The following DLGAP2 variants were observed in gnomAD, a reference collection of about 807,000 sequenced individuals.
The protein encoded by DLGAP2 is disks large-associated protein 2.
DLGAP2 carries 26 observed loss-of-function variants against 100.3 expected under a neutral mutation model. The observed-to-expected ratio is 0.26, with a 90% CI of 0.19 to 0.36. The LOEUF (loss-of-function observed/expected upper bound fraction) is 0.36, where lower values mean the gene tolerates loss of function less well. Among genes scored for constraint, DLGAP2 ranks in the 10% least tolerant of loss-of-function variants. DLGAP2 has a pLI of 1.00. For missense variants in DLGAP2, 1,858 were observed against 1,453.2 expected (o/e 1.28, Z -4.53); for synonymous variants, 886 against 630.1 (o/e 1.41, Z -6.08).
At chr8:1,255,831 CTG>C (rs751171610) in intron 2 of DLGAP2, among the ~76,000 whole-genome samples, 1 of 123,188 alleles carries the variant, frequency 8.1e-6, no homozygotes, top group South Asian at 3.0e-4. Context: ...TGCCCAGGTG[CTG>C]TGTGTGTGTC....
intron 3 of DLGAP2, among the ~76,000 whole-genome samples, chr8:1,346,882 G>C (rs1296421464): frequency 6.6e-6 from 1 of 151,618 alleles, no homozygotes; most frequent in Non-Finnish European, 1.5e-5. Context: ...ATACAGAGCT[G>C]CGTTGCACTC....
At chr8:1,024,256 C>T (rs1404323646) in intron 2 of DLGAP2, among the ~76,000 whole-genome samples, 1 of 135,792 alleles carries the variant, frequency 7.4e-6, no homozygotes, top group Non-Finnish European at 1.6e-5. Flanking sequence ...CGTGCCGAGG[C>T]AGACACCCCA....
chr8:748,307 G>A (rs910341011), intron 1 of DLGAP2, among the ~76,000 whole-genome samples: 2 of 150,866 alleles, frequency 1.3e-5, no homozygotes, highest in African/African-American at 4.9e-5. Context: ...GCTCCGTGGG[G>A]GACTCCGTGG....
chr8:1,518,386 G>C (rs1260743806), intron 4 of DLGAP2, among the ~76,000 whole-genome samples: 2 of 152,168 alleles, frequency 1.3e-5, no homozygotes, highest in African/African-American at 4.8e-5. Context: ...ACCGAGTGGA[G>C]GTTTAAGATG....
intron 2 of DLGAP2, among the ~76,000 whole-genome samples, chr8:979,301 G>A (rs1040759768): frequency 1.8e-4 from 28 of 152,154 alleles, no homozygotes; most frequent in Admixed American, 4.6e-4. Flanking sequence ...CGAAGGAGTG[G>A]GAAAATAGAT....
chr8:1,245,504 T>C (rs1394505648), intron 2 of DLGAP2, among the ~76,000 whole-genome samples: 1 of 152,138 alleles, frequency 6.6e-6, no homozygotes, highest in Non-Finnish European at 1.5e-5. Flanking sequence ...AAACCACAGA[T>C]AGGATTCCAT....
At chr8:1,617,147 G>C (rs1353734772) in intron 6 of DLGAP2, among the ~76,000 whole-genome samples, 2 of 152,212 alleles carry the variant, frequency 1.3e-5, no homozygotes, top group Non-Finnish European at 1.5e-5. Context: ...TGGGCATTTA[G>C]GTTGATTCCA....
intron 1 of DLGAP2, among the ~76,000 whole-genome samples, chr8:746,859 C>T (rs530151342): frequency 9.8e-5 from 15 of 152,314 alleles, no homozygotes; most frequent in South Asian, 2.1e-4. Flanking sequence ...CTGCTGGCTG[C>T]GGACGCTGGT....
At chr8:1,488,071 C>G (rs1276304081) in intron 3 of DLGAP2, among the ~76,000 whole-genome samples, 2 of 152,158 alleles carry the variant, frequency 1.3e-5, no homozygotes, top group Admixed American at 6.5e-5. Flanking sequence ...AGTTCCTCAG[C>G]AGTTTCAAGC....
chr8:759,268 CCACA>C (rs1563415773), intron 1 of DLGAP2, among the ~76,000 whole-genome samples: 19 of 147,784 alleles, frequency 1.3e-4, no homozygotes, highest in Non-Finnish European at 2.1e-4. Context: ...TCAATACCCC[CCACA>C]GCCTCCCCAT....
intron 2 of DLGAP2, among the ~76,000 whole-genome samples, chr8:917,021 A>G (rs1798607923): frequency 6.6e-6 from 1 of 152,206 alleles, no homozygotes; most frequent in African/African-American, 2.4e-5. Flanking sequence ...GGAAGAGAAG[A>G]AGGTGTGAGA....
chr8:961,709 A>C (rs1799729317), intron 2 of DLGAP2, among the ~76,000 whole-genome samples: 2 of 152,252 alleles, frequency 1.3e-5, no homozygotes, highest in Admixed American at 6.5e-5. Context: ...TTAAAACATA[A>C]CTATGTGAAA....
rs374350701 is a variant in DLGAP2 at position 1,303,402 on chromosome 8, CA to C, written c.106+44544del. ...ACAGAGCGAGACTCCGTCTCAAAAACAAAAAAAAAAAAAAAAAAAAAAAAAG... is the reference window on the plus strand; with the variant it reads ...ACAGAGCGAGACTCCGTCTCAAAAACAAAAAAAAAAAAAAAAAAAAAAAAG... On this transcript the variant is annotated intron_variant, in intron 3 of 14. Coordinates refer to ENST00000637795, the MANE Select transcript of DLGAP2 (RefSeq NM_001346810.2). Among the ~76,000 whole-genome samples, 450 of 125,222 alleles carry C rather than the reference CA, an allele frequency of 3.6e-3. 1 individual carries two copies. The highest frequency in any genetic ancestry group is 6.3e-3 in the African/African-American group (226 of 36,070). 82.2% of individuals were successfully genotyped at this position (125,222 alleles called of 152,430 possible).
intron 6 of DLGAP2, among the ~76,000 whole-genome samples, chr8:1,613,791 C>T (rs1797061136): frequency 1.3e-5 from 2 of 152,132 alleles, no homozygotes; most frequent in Non-Finnish European, 2.9e-5. Context: ...AATTCATGTC[C>T]ACCCTGCATG....
chr8:798,456 C>T lies in DLGAP2; in HGVS notation c.18+60631C>T, dbSNP rs558053014. 7.7e-5 allele frequency among the ~76,000 whole-genome samples: 11 copies of T among 142,142 alleles called. No homozygotes were observed. The East Asian group carries it at 2.0e-3, about 25-fold the overall frequency. 93.3% of individuals were successfully genotyped at this position (142,142 alleles called of 152,430 possible). A position where few individuals can be genotyped will look rare whatever the true frequency, so the allele number is the denominator to read the frequency against. The stretch of plus-strand genomic sequence containing the variant: ...ATTCAGAACCTGCAGCCCCGTGCCC[C>T]GGCGCTGACCAGGTGATGGGTGCCT... On this transcript the variant is annotated intron_variant, in intron 1 of 14. Coordinates refer to ENST00000637795, the MANE Select transcript of DLGAP2 (RefSeq NM_001346810.2).
At chr8:1,222,741 G>C (rs998858441) in intron 2 of DLGAP2, among the ~76,000 whole-genome samples, 1 of 152,120 alleles carries the variant, frequency 6.6e-6, no homozygotes, top group Admixed American at 6.6e-5. Flanking sequence ...GGTCAGACGG[G>C]CTCTGCTGGT....
intron 6 of DLGAP2, among the ~76,000 whole-genome samples, chr8:1,606,717 C>A (rs1012507627): frequency 6.6e-6 from 1 of 152,188 alleles, no homozygotes; most frequent in Non-Finnish European, 1.5e-5. Flanking sequence ...AGGTCTCACT[C>A]TGTTGCCCAG....
chr8:866,037 G>A (rs1797487907), intron 1 of DLGAP2, among the ~76,000 whole-genome samples: 2 of 152,164 alleles, frequency 1.3e-5, no homozygotes, highest in African/African-American at 4.8e-5. Context: ...TTTTTTATGG[G>A]GAAGAAACTG....
chr8:1,527,054 C>G (rs907306976), intron 4 of DLGAP2, among the ~76,000 whole-genome samples: 8 of 151,996 alleles, frequency 5.3e-5, no homozygotes, highest in Non-Finnish European at 7.4e-5. Context: ...CTATCCAACC[C>G]TCTCCTGCGA....
Sources: allele counts gnomAD v4.1 joint callset (sites outside exome capture counted in the v4.1 genomes callset), GRCh38; gene constraint gnomAD v4.1.1; transcripts MANE v1.5; gene names NCBI Gene and HGNC (gene_info 2026-07-23, HGNC 2026-07-21).